Variants in RABGAP1L observed in about 807,000 individuals in gnomAD.
RABGAP1L encodes RAB GTPase activating protein 1 like.
In RABGAP1L, 63 loss-of-function variants were observed where a neutral mutation model predicts 137.7. The observed-to-expected ratio is 0.46, with a 90% CI of 0.37 to 0.56. The LOEUF is 0.56. RABGAP1L is among the 20% of genes least tolerant of loss of function. RABGAP1L has a pLI of 0.00. For synonymous variants in RABGAP1L, 431 were observed against 433.7 expected (o/e 0.99, Z 0.08); for missense variants, 1,095 against 1,244.0 (o/e 0.88, Z 1.80).
At chr1:174,960,243 G>T (rs1360734666) in intron 20 of RABGAP1L, among the ~76,000 whole-genome samples, 1 of 152,156 alleles carries the variant, frequency 6.6e-6, no homozygotes, top group Non-Finnish European at 1.5e-5. Context: ...TTTCAGTTCA[G>T]TGCTATTTCT....
chr1:174,485,234 T>C (rs990655269), intron 13 of RABGAP1L, among the ~76,000 whole-genome samples: 3 of 152,208 alleles, frequency 2.0e-5, no homozygotes, highest in Admixed American at 2.0e-4. Context: ...TTCTAATAGT[T>C]TTTTGGTGGA....
chr1:174,518,766 G>C (rs1364563169), intron 13 of RABGAP1L, among the ~76,000 whole-genome samples: 1 of 152,188 alleles, frequency 6.6e-6, no homozygotes, highest in Non-Finnish European at 1.5e-5. Flanking sequence ...ATTGCTGTTA[G>C]AGGAATATGC....
chr1:174,259,936 G>A (rs2148625753), intron 7 of RABGAP1L, among the ~76,000 whole-genome samples: 1 of 151,834 alleles, frequency 6.6e-6, no homozygotes, highest in Admixed American at 6.6e-5. Context: ...CCGGGTTCAA[G>A]CAATTCTTCT....
chr1:174,311,188 C>T, intron 11 of RABGAP1L, among the ~76,000 whole-genome samples: 1 of 151,992 alleles, frequency 6.6e-6, no homozygotes, highest in Non-Finnish European at 1.5e-5. Flanking sequence ...CTGGGGAGGC[C>T]TCAGGAAATT....
chr1:174,808,328 C>T (rs192288779), intron 18 of RABGAP1L, among the ~76,000 whole-genome samples: 1 of 152,112 alleles, frequency 6.6e-6, no homozygotes, highest in East Asian at 1.9e-4. Flanking sequence ...GTGGCACACG[C>T]ATGTAGTCCT....
At chr1:174,507,887 G>A (rs1558293604) in intron 13 of RABGAP1L, among the ~76,000 whole-genome samples, 1 of 152,026 alleles carries the variant, frequency 6.6e-6, no homozygotes, top group Non-Finnish European at 1.5e-5. Flanking sequence ...ATTTTTAAAT[G>A]TAAAAACCAT....
At position 174,704,271 on chromosome 1, in the gene RABGAP1L, C is replaced by A. The variant is rs528188527; in HGVS notation, c.2169+2015C>A. On this transcript the variant is annotated intron_variant, in intron 17 of 25. Transcript: ENST00000681986. Reference sequence around the variant, plus strand: ...TAGAGGCATGAGCCACTGCTTCCAGCCAGATTCCTCTTTCTTAAAAGGAAA... The same window carrying A: ...TAGAGGCATGAGCCACTGCTTCCAGACAGATTCCTCTTTCTTAAAAGGAAA... Among the ~76,000 whole-genome samples the A allele has an allele frequency of 2.6e-5, 4 of 152,282 alleles. No homozygotes were observed. The South Asian group carries it at 8.3e-4, about 32-fold the overall frequency.
At position 174,774,477 on chromosome 1, in the gene RABGAP1L, C is replaced by A. The variant is rs1255443774; in HGVS notation, c.2211+22123C>A. Among the ~76,000 whole-genome samples the A allele has an allele frequency of 2.0e-5, 3 of 151,832 alleles. No homozygotes were observed. The Middle Eastern group carries it at 0.01, about 524-fold the overall frequency. ...CAAGGCATAGTGGCCTGGCATTGCA[C>A]TCCGGTGATCACACCATTGCACTCC... On this transcript the variant is annotated intron_variant, in intron 18 of 25. Transcript: ENST00000681986.
At chr1:174,306,261 A>T (rs964364277) in intron 11 of RABGAP1L, among the ~76,000 whole-genome samples, 3 of 152,140 alleles carry the variant, frequency 2.0e-5, no homozygotes, top group African/African-American at 4.8e-5. Context: ...ATGATTTATA[A>T]TCCTTTGGGT....
intron 19 of RABGAP1L, among the ~76,000 whole-genome samples, chr1:174,832,588 G>A (rs1692227043): frequency 1.4e-5 from 2 of 144,796 alleles, no homozygotes; most frequent in Admixed American, 1.4e-4. Flanking sequence ...TGTTGCAAAA[G>A]GAGATCACAG....
chr1:174,813,503 T>A (rs989424), intron 19 of RABGAP1L, among the ~76,000 whole-genome samples: 95,855 of 152,076 alleles, frequency 0.63, 33,440 homozygotes, highest in East Asian at 0.93. Context: ...TAACACAATC[T>A]TTTTAAATTT....
At chr1:174,435,793 T>G in intron 13 of RABGAP1L, among the ~76,000 whole-genome samples, 1 of 147,444 alleles carries the variant, frequency 6.8e-6, no homozygotes, top group Non-Finnish European at 1.5e-5. Context: ...CTCCTAATGC[T>G]ATCCCTCCCC....
At chr1:174,282,838 C>G (rs1169397139) in intron 10 of RABGAP1L, among the ~76,000 whole-genome samples, 1 of 152,064 alleles carries the variant, frequency 6.6e-6, no homozygotes, top group Non-Finnish European at 1.5e-5. Flanking sequence ...TACAGTTGTT[C>G]CAGCATCATT....
chr1:174,431,673 A>T (rs1050765194), intron 13 of RABGAP1L, among the ~76,000 whole-genome samples: 13 of 152,212 alleles, frequency 8.5e-5, no homozygotes, highest in Non-Finnish European at 1.9e-4. Context: ...ATGCACATAG[A>T]TTCATAAAAT....
intron 20 of RABGAP1L, among the ~76,000 whole-genome samples, chr1:174,966,622 A>G (rs1049338754): frequency 6.6e-6 from 1 of 152,156 alleles, no homozygotes; most frequent in Non-Finnish European, 1.5e-5. Flanking sequence ...GCTTTTTAGA[A>G]ATTTGTTTTT....
chr1:174,232,046 G>C lies in RABGAP1L; in HGVS notation c.542+691G>C, dbSNP rs540437920. On this transcript the variant is annotated intron_variant, in intron 4 of 25. Transcript: ENST00000681986. ...ATATTTATTTCTCTATCCTGAATGA[G>C]CATAAAAATCTGCCTTCAGCTTCTG... Among the ~76,000 whole-genome samples the C allele has an allele frequency of 8.5e-5, 13 of 152,282 alleles. No homozygotes were observed. In the South Asian group the frequency reaches 2.7e-3, roughly 32 times the overall value.
At chr1:174,171,593 A>G (rs1382285864) in intron 1 of RABGAP1L, among the ~76,000 whole-genome samples, 2 of 151,564 alleles carry the variant, frequency 1.3e-5, no homozygotes, top group African/African-American at 2.4e-5. Flanking sequence ...TATTCATCCT[A>G]CATAACTGCG....
chr1:174,426,396 A>G (rs891531923), intron 13 of RABGAP1L, among the ~76,000 whole-genome samples: 16 of 152,240 alleles, frequency 1.1e-4, no homozygotes, highest in African/African-American at 3.8e-4. Flanking sequence ...GTCAACAAGT[A>G]TAAAAACATA....
rs1650536635 is a variant in RABGAP1L, at chr1:174,416,031, T to TATACAC, written c.1710+21889_1710+21890insCACATA. Among the ~76,000 whole-genome samples the TATACAC allele has an allele frequency of 1.3e-4, 16 of 123,524 alleles. 1 individual carries two copies. The highest frequency in any genetic ancestry group is 3.6e-4 in the African/African-American group (8 of 22,462). 81.0% of individuals were successfully genotyped at this position (123,524 alleles called of 152,430 possible). On this transcript the variant is annotated intron_variant, in intron 13 of 25. Transcript: ENST00000681986. ...CCTAGAAAATTTACATATATATATATATATACACACACATTTTTTTTTTCC... is the reference window on the plus strand; with the variant it reads ...CCTAGAAAATTTACATATATATATATATACACATATACACACACATTTTTTTTTTCC...
Sources: gnomAD v4.1 joint callset for allele counts (sites outside exome capture counted in the v4.1 genomes callset) on GRCh38, gnomAD v4.1.1 for gene constraint, MANE v1.5 for transcripts, NCBI Gene and HGNC (gene_info 2026-07-23, HGNC 2026-07-21) for gene names.